The following CUEDC1 variants were observed in gnomAD, a reference collection of about 807,000 sequenced individuals.
The protein encoded by CUEDC1 is CUE domain-containing protein 1.
In CUEDC1, 30 loss-of-function variants were observed where a neutral mutation model predicts 43.7. That is an observed-to-expected ratio of 0.69 (90% CI 0.51 to 0.93). CUEDC1 has a LOEUF of 0.93. Ranked by LOEUF, CUEDC1 falls within the 40% of genes least tolerant of loss-of-function variation. CUEDC1 has a pLI of 0.00. For synonymous variants in CUEDC1, 223 were observed against 223.6 expected (o/e 1.00, Z 0.02); for missense variants, 486 against 549.0 (o/e 0.89, Z 1.15).
chr17:57,886,803 C>CATA (rs1453085113), intron 1 of CUEDC1, among the ~76,000 whole-genome samples: 1 of 149,502 alleles, frequency 6.7e-6, no homozygotes, highest in African/African-American at 2.5e-5. Context: ...CCATATACAT[C>CATA]ATAAATTCTG....
intron 10 of CUEDC1, among the ~76,000 whole-genome samples, chr17:57,864,211 AG>A (rs1320905463): frequency 6.6e-6 from 1 of 152,006 alleles, no homozygotes; most frequent in Non-Finnish European, 1.5e-5. Context: ...GGCAGTCAGG[AG>A]GAGAGACTGA....
At chr17:57,927,474 C>A (rs1265268097) in intron 1 of CUEDC1, among the ~76,000 whole-genome samples, 1 of 152,148 alleles carries the variant, frequency 6.6e-6, no homozygotes. Context: ...TCCCTCCTGC[C>A]CACACCCTCT....
intron 1 of CUEDC1, among the ~76,000 whole-genome samples, chr17:57,942,752 G>A (rs2074927995): frequency 6.6e-6 from 1 of 151,864 alleles, no homozygotes; most frequent in South Asian, 2.1e-4. Context: ...ACTGCTGCCG[G>A]GCGCTGTGGC....
intron 1 of CUEDC1, among the ~76,000 whole-genome samples, chr17:57,916,118 T>G (rs2074637459): frequency 6.6e-6 from 1 of 152,214 alleles, no homozygotes; most frequent in Non-Finnish European, 1.5e-5. Flanking sequence ...GGCCTCACCC[T>G]CAAGGTCCCA....
At chr17:57,937,066 A>G (rs564619296) in intron 1 of CUEDC1, among the ~76,000 whole-genome samples, 8 of 151,656 alleles carry the variant, frequency 5.3e-5, no homozygotes, top group Admixed American at 1.3e-4. Flanking sequence ...TGATCTGCCC[A>G]CCTCGGCCTC....
intron 1 of CUEDC1, among the ~76,000 whole-genome samples, chr17:57,891,524 A>G (rs899383732): frequency 6.6e-6 from 1 of 152,068 alleles, no homozygotes; most frequent in African/African-American, 2.4e-5. Flanking sequence ...CCTCTGCTCC[A>G]TGCCTCCCAA....
intron 1 of CUEDC1, among the ~76,000 whole-genome samples, chr17:57,904,242 G>A (rs1357442245): frequency 2.6e-5 from 4 of 152,026 alleles, no homozygotes; most frequent in African/African-American, 7.3e-5. Flanking sequence ...CTACCCCACC[G>A]CGTCTCCTAG....
chr17:57,873,592 T>C lies in CUEDC1; in HGVS notation c.590A>G (p.Gln197Arg), dbSNP rs1161856202. ...GAAGGCGGGGGCGGCCCCTGTTACC[T>C]GTATGCTGTCCAGCTGCTGGGGCAG... ...RILPQQLDSI[Q>R]GNAGGPKPGS... The change falls in exon 4 of 11, where the codon CAG (glutamine) becomes CGG (arginine). Residue 197 changes from glutamine to arginine, a missense_variant and splice_region_variant. Gln to Arg is a conservative substitution (Grantham distance 43). Transcript: ENST00000577830. 1.8e-5 allele frequency: 28 copies of C among 1,580,538 alleles called. No homozygotes were observed. The highest frequency in any genetic ancestry group is 2.3e-5 in the Non-Finnish European group (27 of 1,162,644).
At chr17:57,921,931 G>A (rs977858491) in intron 1 of CUEDC1, among the ~76,000 whole-genome samples, 2 of 152,146 alleles carry the variant, frequency 1.3e-5, no homozygotes, top group Admixed American at 6.5e-5. Flanking sequence ...TGGCCAACAT[G>A]GTGAAACCCT....
intron 1 of CUEDC1, among the ~76,000 whole-genome samples, chr17:57,938,744 C>A (rs1460460988): frequency 1.3e-5 from 2 of 151,980 alleles, no homozygotes; most frequent in East Asian, 1.9e-4. Context: ...CTCAGCGCAA[C>A]CTCTGCCTCC....
chr17:57,878,176 A>G (rs2074153850), intron 3 of CUEDC1, among the ~76,000 whole-genome samples: 2 of 152,190 alleles, frequency 1.3e-5, no homozygotes, highest in South Asian at 4.1e-4. Context: ...GGGAGGTGAC[A>G]GGACACAGCA....
At chr17:57,914,034 G>A (rs185150532) in intron 1 of CUEDC1, among the ~76,000 whole-genome samples, 110 of 152,256 alleles carry the variant, frequency 7.2e-4, no homozygotes, top group Non-Finnish European at 1.3e-3. Context: ...ATGTTCTCAC[G>A]ATTGCCACTG....
intron 1 of CUEDC1, among the ~76,000 whole-genome samples, chr17:57,916,568 G>C (rs1567716510): frequency 6.6e-6 from 1 of 152,234 alleles, no homozygotes; most frequent in African/African-American, 2.4e-5. Context: ...TCCCAGGCCA[G>C]TGTGATCGAT....
At position 57,868,326 on chromosome 17, in the gene CUEDC1, G is replaced by A. The variant is rs1310631661; in HGVS notation, c.941-83C>T. The A allele has an allele frequency of 4.1e-6, 5 of 1,216,968 alleles. No homozygotes were observed. The East Asian group carries it at 1.2e-4, about 28-fold the overall frequency. The allele number at this position is 1,216,968 out of a possible 1,614,324, so 75.4% of individuals were successfully genotyped here. On this transcript the variant is annotated intron_variant, in intron 7 of 10. Transcript: ENST00000577830. ...CCTCCCAGGTGTGGGAAAGGCCAGG[G>A]GAGGACCAAGGCCCCCCGGAGAGGG...
chr17:57,890,244 T>A (rs572489395), intron 1 of CUEDC1, among the ~76,000 whole-genome samples: 1 of 152,148 alleles, frequency 6.6e-6, no homozygotes, highest in Admixed American at 6.5e-5. Context: ...CATAAGAAAT[T>A]CAGCCATGTG....
At chr17:57,923,261 G>T (rs1012884542) in intron 1 of CUEDC1, among the ~76,000 whole-genome samples, 7 of 152,226 alleles carry the variant, frequency 4.6e-5, no homozygotes, top group Admixed American at 6.5e-5. Context: ...AGCCAGGCTA[G>T]AGTGCACTGC....
intron 5 of CUEDC1, among the ~76,000 whole-genome samples, chr17:57,871,911 C>T (rs111499996): frequency 0.047 from 7,161 of 152,260 alleles, 558 homozygotes; most frequent in African/African-American, 0.16. Flanking sequence ...GTGACAAGAG[C>T]GAGACTATGT....
rs187467881 is a variant in CUEDC1 at position 57,904,622 on chromosome 17, G to T, written c.-315-18743C>A. On this transcript the variant is annotated intron_variant, in intron 1 of 10. Transcript: ENST00000577830. ...TTCACAGGGGTCATCAAGAGGCTAA[G>T]ATTTCACTCTGCTCCCCTCCTGCAC... Among the ~76,000 whole-genome samples, 399 of 152,294 alleles carry T rather than the reference G, an allele frequency of 2.6e-3. 2 individuals carry two copies. The highest frequency in any genetic ancestry group is 9.2e-3 in the African/African-American group (384 of 41,556).
intron 1 of CUEDC1, among the ~76,000 whole-genome samples, chr17:57,909,999 T>G (rs2074567132): frequency 6.6e-6 from 1 of 152,216 alleles, no homozygotes; most frequent in Admixed American, 6.5e-5. Context: ...TTTTGTTTTG[T>G]TTTAGAGATG....
Sources: allele counts gnomAD v4.1 joint callset (sites outside exome capture counted in the v4.1 genomes callset), GRCh38; gene constraint gnomAD v4.1.1; transcripts MANE v1.5; gene names NCBI Gene and HGNC (gene_info 2026-07-23, HGNC 2026-07-21).